BNC2: variants seen among roughly 807,000 people sequenced by gnomAD.
BNC2 encodes zinc finger protein basonuclin-2.
In BNC2, 20 loss-of-function variants were observed where a neutral mutation model predicts 76.3. That is an observed-to-expected ratio of 0.26 (90% CI 0.18 to 0.38). The LOEUF is 0.38. Among genes scored for constraint, BNC2 ranks in the 10% least tolerant of loss-of-function variants. The probability of loss-of-function intolerance (pLI) is 1.00; values close to 1 mark genes in which losing one functional copy is unlikely to be tolerated. For missense variants in BNC2, 1,382 were observed against 1,399.8 expected, an observed-to-expected ratio of 0.99 and a Z score of 0.20; for synonymous variants, 582 against 514.8, an observed-to-expected ratio of 1.13 and a Z score of -1.77.
At chr9:16,548,694 C>T in intron 5 of BNC2, among the ~76,000 whole-genome samples, 1 of 152,212 alleles carries the variant, frequency 6.6e-6, no homozygotes, top group East Asian at 1.9e-4. Context: ...CGTGAGCCAC[C>T]ACGCCTGGCC....
At chr9:16,834,551 A>G (rs1280070157) in intron 1 of BNC2, among the ~76,000 whole-genome samples, 2 of 152,198 alleles carry the variant, frequency 1.3e-5, no homozygotes, top group Admixed American at 6.5e-5. Context: ...TCTTCTGTAG[A>G]AAGAAGAAAA....
chr9:16,486,340 T>C (rs1193193562), intron 5 of BNC2, among the ~76,000 whole-genome samples: 2 of 152,224 alleles, frequency 1.3e-5, no homozygotes, highest in East Asian at 1.9e-4. Context: ...ATCAGAATAG[T>C]AGTATCATTC....
At chr9:16,845,261 A>T (rs1395439988) in intron 1 of BNC2, among the ~76,000 whole-genome samples, 1 of 152,202 alleles carries the variant, frequency 6.6e-6, no homozygotes, top group Non-Finnish European at 1.5e-5. Context: ...AAAAATTCTA[A>T]GAGAAATGGG....
At chr9:16,751,418 A>G (rs1053895890) in intron 1 of BNC2, among the ~76,000 whole-genome samples, 2 of 151,966 alleles carry the variant, frequency 1.3e-5, no homozygotes, top group African/African-American at 4.8e-5. Context: ...GAGATCAGCA[A>G]TGAACTCTCT....
intron 1 of BNC2, among the ~76,000 whole-genome samples, chr9:16,816,014 G>A (rs1257873618): frequency 6.6e-6 from 1 of 152,004 alleles, no homozygotes; most frequent in African/African-American, 2.4e-5. Context: ...TTTCCCAACT[G>A]CCTATTTGCC....
intron 5 of BNC2, among the ~76,000 whole-genome samples, chr9:16,479,572 CTACAATTAACAT>C (rs1822002851): frequency 6.6e-6 from 1 of 152,144 alleles, no homozygotes; most frequent in Non-Finnish European, 1.5e-5. Context: ...CATCTAAATT[CTACAATTAACAT>C]TTTATTACAT....
At chr9:16,784,948 T>A (rs1431256582) in intron 1 of BNC2, among the ~76,000 whole-genome samples, 1 of 152,130 alleles carries the variant, frequency 6.6e-6, no homozygotes, top group Non-Finnish European at 1.5e-5. Flanking sequence ...AAGATGACGA[T>A]CATTCAAGTT....
At chr9:16,852,685 A>G (rs60618682) in intron 1 of BNC2, among the ~76,000 whole-genome samples, 18,945 of 152,192 alleles carry the variant, frequency 0.12, 1,511 homozygotes, top group African/African-American at 0.23. Flanking sequence ...TAAGAGACCA[A>G]AGAAACATAC....
chr9:16,495,282 C>A (rs1563809749), intron 5 of BNC2, among the ~76,000 whole-genome samples: 1 of 152,150 alleles, frequency 6.6e-6, no homozygotes, highest in Non-Finnish European at 1.5e-5. Context: ...AAATCAACAG[C>A]AAATATTCCC....
chr9:16,633,602 T>C (rs949448240), intron 3 of BNC2, among the ~76,000 whole-genome samples: 1 of 152,212 alleles, frequency 6.6e-6, no homozygotes, highest in African/African-American at 2.4e-5. Flanking sequence ...ACTAAAACCA[T>C]TCAAAAGTTT....
intron 3 of BNC2, among the ~76,000 whole-genome samples, chr9:16,600,080 A>AC (rs1820203817): frequency 6.6e-6 from 1 of 152,214 alleles, no homozygotes; most frequent in East Asian, 1.9e-4. Flanking sequence ...TACTTTAAGT[A>AC]ATCCAAGAGG....
rs10119249 is a variant in BNC2 at position 16,513,468 on chromosome 9, C to T, written c.669+39062G>A. 5.9e-5 allele frequency among the ~76,000 whole-genome samples: 9 copies of T among 151,692 alleles called. 1 individual carries two copies. Among genetic ancestry groups the T allele is most frequent in the Admixed American group, 5.9e-4 (9 of 15,256 alleles). ...GCTACAGGTGCCTGCCACCATGCCC[C>T]GCTAATTTTTTGTATTTTTAGTGGA... is the stretch of plus-strand genomic sequence containing the variant. On this transcript the variant is annotated intron_variant, in intron 5 of 6. Transcript: ENST00000380672.
At chr9:16,743,410 A>C (rs10962559) in intron 1 of BNC2, among the ~76,000 whole-genome samples, 1 of 152,044 alleles carries the variant, frequency 6.6e-6, no homozygotes, top group Non-Finnish European at 1.5e-5. Flanking sequence ...TACCCCTCTG[A>C]AAGAGGACCT....
At chr9:16,446,080 A>C (rs1821225122) in intron 5 of BNC2, among the ~76,000 whole-genome samples, 1 of 152,188 alleles carries the variant, frequency 6.6e-6, no homozygotes, top group Non-Finnish European at 1.5e-5. Context: ...TTCTTTCTGT[A>C]AACACTGACT....
chr9:16,758,476 G>A (rs1825455212), intron 1 of BNC2, among the ~76,000 whole-genome samples: 1 of 152,004 alleles, frequency 6.6e-6, no homozygotes, highest in Non-Finnish European at 1.5e-5. Flanking sequence ...GACTACAGGT[G>A]CACACCACCA....
At chr9:16,641,144 G>C (rs1337430835) in intron 3 of BNC2, among the ~76,000 whole-genome samples, 2 of 152,126 alleles carry the variant, frequency 1.3e-5, no homozygotes, top group African/African-American at 2.4e-5. Context: ...ATCATTACCA[G>C]AAAAGTTCAT....
At chr9:16,528,751 A>T (rs1817887136) in intron 5 of BNC2, among the ~76,000 whole-genome samples, 1 of 152,248 alleles carries the variant, frequency 6.6e-6, no homozygotes, top group African/African-American at 2.4e-5. Context: ...GTCTTTAAAT[A>T]AGTGACTAAA....
At chr9:16,641,963 A>T (rs1201351967) in intron 3 of BNC2, among the ~76,000 whole-genome samples, 2 of 152,196 alleles carry the variant, frequency 1.3e-5, no homozygotes, top group Non-Finnish European at 2.9e-5. Context: ...TCACAGGCAA[A>T]TATCTACTAA....
chr9:16,753,565 T>A (rs182906038), intron 1 of BNC2, among the ~76,000 whole-genome samples: 1 of 152,150 alleles, frequency 6.6e-6, no homozygotes, highest in Admixed American at 6.5e-5. Context: ...TCAAAACAAA[T>A]TGTATGGCAA....
Sources: gnomAD v4.1 joint callset for allele counts (sites outside exome capture counted in the v4.1 genomes callset) on GRCh38, gnomAD v4.1.1 for gene constraint, MANE v1.5 for transcripts, NCBI Gene and HGNC (gene_info 2026-07-23, HGNC 2026-07-21) for gene names.